The following SPMIP2 variants were observed in gnomAD, a reference collection of about 807,000 sequenced individuals.
The protein encoded by SPMIP2 is sperm microtubule inner protein 2.
At chr4:158,953,823 G>C in the SPMIP2 span, among the ~76,000 whole-genome samples, 2 of 152,170 alleles carry the variant, frequency 1.3e-5, no homozygotes, top group African/African-American at 4.8e-5. Context: ...TTTATAATTT[G>C]ACCGCTCCAC....
chr4:158,994,242 G>A, the SPMIP2 span, among the ~76,000 whole-genome samples: 1 of 152,230 alleles, frequency 6.6e-6, no homozygotes, highest in Non-Finnish European at 1.5e-5. Context: ...AGAAATGGAT[G>A]TTGAATAAGT....
the SPMIP2 span, among the ~76,000 whole-genome samples, chr4:158,972,179 T>C: frequency 1.3e-5 from 2 of 152,160 alleles, no homozygotes; most frequent in Admixed American, 1.3e-4. Context: ...CTGGCCAGCA[T>C]GGCGAAACCC....
the SPMIP2 span, among the ~76,000 whole-genome samples, chr4:159,016,379 C>T: frequency 4.6e-5 from 7 of 152,286 alleles, no homozygotes; most frequent in Non-Finnish European, 8.8e-5. Flanking sequence ...CTCCCTTTAG[C>T]CCACTTATTA....
At chr4:158,955,543 T>G in the SPMIP2 span, among the ~76,000 whole-genome samples, 4 of 152,170 alleles carry the variant, frequency 2.6e-5, no homozygotes, top group African/African-American at 9.7e-5. Flanking sequence ...GTACCTGGGA[T>G]CGCAGGCATG....
At chr4:158,982,996 G>A in the SPMIP2 span, among the ~76,000 whole-genome samples, 649 of 152,224 alleles carry the variant, frequency 4.3e-3, 6 homozygotes, top group African/African-American at 0.015. Flanking sequence ...GCCAAGGCTC[G>A]AGAACTATGT....
chr4:158,964,852 C>A, the SPMIP2 span, among the ~76,000 whole-genome samples: 1 of 152,132 alleles, frequency 6.6e-6, no homozygotes, highest in African/African-American at 2.4e-5. Context: ...AAAGAAGGAA[C>A]CCCCTTATCA....
the SPMIP2 span, among the ~76,000 whole-genome samples, chr4:158,973,976 G>T: frequency 1.1e-5 from 1 of 89,288 alleles, no homozygotes; most frequent in Admixed American, 1.6e-4. Flanking sequence ...ATAGAGCAAG[G>T]CCACCTCAAA....
the SPMIP2 span, among the ~76,000 whole-genome samples, chr4:158,895,595 G>A: frequency 1.9e-3 from 287 of 152,314 alleles, 1 homozygote; most frequent in Middle Eastern, 3.4e-3. Context: ...CCTGGTAGTG[G>A]TAGGGTTTGA....
At chr4:158,898,237 G>A in the SPMIP2 span, among the ~76,000 whole-genome samples, 12 of 152,242 alleles carry the variant, frequency 7.9e-5, no homozygotes, top group East Asian at 1.9e-3. Flanking sequence ...TTTGGTTACC[G>A]TAGCCTTGTT....
At chr4:158,936,735 T>A in the SPMIP2 span, among the ~76,000 whole-genome samples, 1 of 152,220 alleles carries the variant, frequency 6.6e-6, no homozygotes, top group Non-Finnish European at 1.5e-5. Flanking sequence ...AGTCCACACC[T>A]ACAGAATCTT....
the SPMIP2 span, among the ~76,000 whole-genome samples, chr4:159,008,550 C>A: frequency 1.4e-5 from 2 of 148,006 alleles, no homozygotes; most frequent in East Asian, 3.9e-4. Flanking sequence ...GCCTGGGCAA[C>A]AGAATAAGAC....
the SPMIP2 span, among the ~76,000 whole-genome samples, chr4:159,016,175 C>T: frequency 6.6e-6 from 1 of 152,198 alleles, no homozygotes; most frequent in Non-Finnish European, 1.5e-5. Flanking sequence ...GTTAAATTTT[C>T]CTGTTCTCTG....
chr4:159,034,972 A>C, the SPMIP2 span: 1 of 1,191,414 alleles, frequency 8.4e-7, no homozygotes, highest in Non-Finnish European at 1.2e-6. Context: ...TAAAAATCAT[A>C]TATGTGAGAG....
chr4:158,896,995 A>G, the SPMIP2 span, among the ~76,000 whole-genome samples: 1 of 145,002 alleles, frequency 6.9e-6, no homozygotes, highest in Admixed American at 6.9e-5. Context: ...TCCCACCCCC[A>G]GCCCCCCACC....
At chr4:158,906,444 G>A in the SPMIP2 span, 1 of 152,112 alleles carries the variant, frequency 6.6e-6, no homozygotes, top group Non-Finnish European at 1.5e-5. Context: ...CAATTCTAAT[G>A]TGGACATAGT....
the SPMIP2 span, among the ~76,000 whole-genome samples, chr4:158,896,072 C>T: frequency 2.6e-5 from 4 of 152,134 alleles, no homozygotes; most frequent in African/African-American, 9.7e-5. Context: ...TACAATCAAT[C>T]GCAGGACTTT....
chr4:159,047,716 G>C, the SPMIP2 span, among the ~76,000 whole-genome samples: 1 of 152,202 alleles, frequency 6.6e-6, no homozygotes, highest in Non-Finnish European at 1.5e-5. Context: ...AAAGTAACTA[G>C]GCTGGAGCCA....
At chr4:158,915,949 T>C in the SPMIP2 span, among the ~76,000 whole-genome samples, 1 of 152,220 alleles carries the variant, frequency 6.6e-6, no homozygotes, top group African/African-American at 2.4e-5. Flanking sequence ...GGTAGGGATT[T>C]GCCAACTCAT....
the SPMIP2 span, among the ~76,000 whole-genome samples, chr4:159,013,542 C>G: frequency 6.6e-6 from 1 of 152,162 alleles, no homozygotes; most frequent in Non-Finnish European, 1.5e-5. Context: ...ATGGCTTTTC[C>G]TCTGTACAGG....
Sources: allele counts gnomAD v4.1 joint callset (sites outside exome capture counted in the v4.1 genomes callset), GRCh38; gene constraint gnomAD v4.1.1; transcripts MANE v1.5; gene names NCBI Gene and HGNC (gene_info 2026-07-23, HGNC 2026-07-21).